TNFSF4: variants seen among roughly 807,000 people sequenced by gnomAD.
TNFSF4 encodes the protein tumor necrosis factor ligand superfamily member 4.
Under a neutral mutation model 7.3 loss-of-function variants are expected in TNFSF4, and 4 were observed. The observed-to-expected ratio is 0.55, with a 90% CI of 0.27 to 1.25. The LOEUF (loss-of-function observed/expected upper bound fraction) is 1.25, where lower values mean the gene tolerates loss of function less well. Among genes scored for constraint, TNFSF4 ranks in the 50% most tolerant of loss-of-function variants. The probability of loss-of-function intolerance (pLI) is 0.12; values close to 1 mark genes in which losing one functional copy is unlikely to be tolerated. For missense variants in TNFSF4, 181 were observed against 208.8 expected (o/e 0.87, Z 0.82); for synonymous variants, 76 against 83.7 (o/e 0.91, Z 0.50).
At chr1:173,351,465 C>T in the TNFSF4 span, among the ~76,000 whole-genome samples, 465 of 152,302 alleles carry the variant, frequency 3.1e-3, 1 homozygote, top group Middle Eastern at 0.014. Flanking sequence ...TGGGAAGGTG[C>T]ACTGAAATGT....
At chr1:173,386,220 C>T in the TNFSF4 span, among the ~76,000 whole-genome samples, 1 of 152,182 alleles carries the variant, frequency 6.6e-6, no homozygotes, top group Non-Finnish European at 1.5e-5. Context: ...CATTCTGGTG[C>T]AATGCTCCTC....
chr1:173,300,474 T>G, the TNFSF4 span, among the ~76,000 whole-genome samples: 1 of 151,918 alleles, frequency 6.6e-6, no homozygotes, highest in East Asian at 1.9e-4. Context: ...AGGAGGGATT[T>G]TCTTACGTTA....
the TNFSF4 span, among the ~76,000 whole-genome samples, chr1:173,287,632 A>C: frequency 6.6e-6 from 1 of 152,220 alleles, no homozygotes; most frequent in Non-Finnish European, 1.5e-5. Context: ...GGATGTTCTC[A>C]GAAAAGTTAT....
At chr1:173,353,881 A>G in the TNFSF4 span, among the ~76,000 whole-genome samples, 2 of 152,190 alleles carry the variant, frequency 1.3e-5, no homozygotes, top group Admixed American at 6.5e-5. Context: ...CTTCATAGCA[A>G]TAAGAAATTC....
the TNFSF4 span, among the ~76,000 whole-genome samples, chr1:173,230,452 C>T: frequency 6.6e-6 from 1 of 152,182 alleles, no homozygotes; most frequent in Non-Finnish European, 1.5e-5. Flanking sequence ...AAATTTATAG[C>T]ACTAAATGCT....
chr1:173,265,751 T>G, the TNFSF4 span, among the ~76,000 whole-genome samples: 3 of 152,190 alleles, frequency 2.0e-5, no homozygotes, highest in African/African-American at 7.2e-5. Context: ...TCAATTCGAC[T>G]GGGAATGATA....
At chr1:173,237,496 A>G in the TNFSF4 span, among the ~76,000 whole-genome samples, 4 of 152,186 alleles carry the variant, frequency 2.6e-5, no homozygotes, top group African/African-American at 9.7e-5. Context: ...ATGATTCTAT[A>G]TCTAGAAAAT....
In TNFSF4 at chr1:173,184,212, A is replaced by G. The variant is rs570897494; in HGVS notation, c.*2304T>C. The G allele has an allele frequency of 6.6e-6, 1 of 152,376 alleles. No individual in the cohort carries two copies. The highest frequency in any genetic ancestry group is 6.5e-5 in the Admixed American group (1 of 15,312). 9.4% of individuals were successfully genotyped at this position (152,376 alleles called of 1,614,324 possible). On this transcript the variant is annotated 3_prime_UTR_variant, in exon 3 of 3. Transcript: ENST00000281834. ...AATGGGAAATGACTTTCCCAAGGTT[A>G]CATGGCTAGTTAGTGGCTAAGTCAA...
chr1:173,193,902 C>T lies in TNFSF4; in HGVS notation c.154-5333G>A, dbSNP rs534757953. Among the ~76,000 whole-genome samples, 231 of 152,258 alleles carry T rather than the reference C, an allele frequency of 1.5e-3. 1 individual carries two copies. Among genetic ancestry groups the T allele is most frequent in the South Asian group, 4.6e-3 (22 of 4,812 alleles). ...ATAATGCAACAGGAAGGTTACCAGC[C>T]CAGTGGTTCTTAAACTCTAAATGTG... On this transcript the variant is annotated intron_variant, in intron 1 of 2. Coordinates refer to ENST00000281834, the MANE Select transcript of TNFSF4 (RefSeq NM_003326.5).
chr1:173,262,315 T>C, the TNFSF4 span, among the ~76,000 whole-genome samples: 2 of 152,194 alleles, frequency 1.3e-5, no homozygotes, highest in African/African-American at 2.4e-5. Context: ...AAAATAGATG[T>C]TGATGGAACA....
the TNFSF4 span, among the ~76,000 whole-genome samples, chr1:173,176,138 T>A: frequency 6.6e-6 from 1 of 152,158 alleles, no homozygotes; most frequent in Non-Finnish European, 1.5e-5. Flanking sequence ...AATTGCTTTT[T>A]TTGTGGGTAC....
the TNFSF4 span, among the ~76,000 whole-genome samples, chr1:173,247,271 G>C: frequency 2.6e-5 from 4 of 152,290 alleles, no homozygotes; most frequent in Admixed American, 2.0e-4. Flanking sequence ...ATGAAAAAGA[G>C]AAGTTAAAGC....
the TNFSF4 span, among the ~76,000 whole-genome samples, chr1:173,343,897 G>C: frequency 2.0e-5 from 3 of 152,186 alleles, no homozygotes; most frequent in Admixed American, 6.5e-5. Flanking sequence ...AAGAAGTACT[G>C]ACAATGGAAA....
intron 1 of TNFSF4, chr1:173,205,626 G>T: frequency 1.8e-6 from 2 of 1,092,408 alleles, no homozygotes; most frequent in Non-Finnish European, 2.2e-6. Flanking sequence ...AGGGCTCCCA[G>T]ACTGGTGAAT....
chr1:173,289,939 T>C, the TNFSF4 span, among the ~76,000 whole-genome samples: 18 of 45,224 alleles, frequency 4.0e-4, no homozygotes, highest in African/African-American at 1.1e-3. Flanking sequence ...AGAAGAGATA[T>C]ATTTGAGGCT....
chr1:173,189,227 T>C (rs16845561), intron 1 of TNFSF4, among the ~76,000 whole-genome samples: 11,431 of 152,238 alleles, frequency 0.075, 604 homozygotes, highest in African/African-American at 0.15. Context: ...AGCACTATAG[T>C]CATATTGTTA....
chr1:173,275,189 C>T, the TNFSF4 span, among the ~76,000 whole-genome samples: 1 of 152,074 alleles, frequency 6.6e-6, no homozygotes, highest in Non-Finnish European at 1.5e-5. Context: ...TAAGTCCCAT[C>T]AGGGAAGGGA....
At chr1:173,410,852 C>T in the TNFSF4 span, among the ~76,000 whole-genome samples, 1 of 152,168 alleles carries the variant, frequency 6.6e-6, no homozygotes, top group Non-Finnish European at 1.5e-5. Flanking sequence ...GCTTTAAACC[C>T]CAACTTTCCA....
rs1183866704 is a variant in TNFSF4, at chr1:173,184,981, T to A, written c.*1535A>T. Reference sequence around the variant, plus strand: ...ACAGATTAAAATAGAGGGATGGGAATATAGTTGAAGGTGTACTTAAGAGGA... The same window carrying A: ...ACAGATTAAAATAGAGGGATGGGAAAATAGTTGAAGGTGTACTTAAGAGGA... On this transcript the variant is annotated 3_prime_UTR_variant, in exon 3 of 3. Coordinates refer to ENST00000281834, the MANE Select transcript of TNFSF4 (RefSeq NM_003326.5). The A allele has an allele frequency of 6.6e-6, 1 of 152,086 alleles. No homozygotes were observed. Among genetic ancestry groups the A allele is most frequent in the Admixed American group, 6.5e-5 (1 of 15,278 alleles). 9.4% of individuals were successfully genotyped at this position (152,086 alleles called of 1,614,324 possible).
Sources: gnomAD v4.1 joint callset for allele counts (sites outside exome capture counted in the v4.1 genomes callset) on GRCh38, gnomAD v4.1.1 for gene constraint, MANE v1.5 for transcripts, NCBI Gene and HGNC (gene_info 2026-07-23, HGNC 2026-07-21) for gene names.